The following THSD7A variants were observed in gnomAD, a reference collection of about 807,000 sequenced individuals.
The protein encoded by THSD7A is thrombospondin type-1 domain-containing protein 7A.
In THSD7A, 96 loss-of-function variants were observed where a neutral mutation model predicts 231.3. The ratio of observed to expected loss-of-function variants is 0.41; its 90% confidence interval spans 0.35 to 0.49. THSD7A has a LOEUF of 0.49. Ranked by LOEUF, THSD7A falls within the 20% of genes least tolerant of loss-of-function variation. THSD7A has a pLI of 0.05. For missense variants in THSD7A, 2,290 were observed against 2,070.2 expected, an observed-to-expected ratio of 1.11 and a Z score of -2.06; for synonymous variants, 940 against 743.3, an observed-to-expected ratio of 1.26 and a Z score of -4.30.
intron 2 of THSD7A, among the ~76,000 whole-genome samples, chr7:11,610,792 A>G (rs1252669284): frequency 6.6e-6 from 1 of 152,174 alleles, no homozygotes; most frequent in Non-Finnish European, 1.5e-5. Flanking sequence ...AACTATATGG[A>G]ATTTCTGCTA....
intron 1 of THSD7A, among the ~76,000 whole-genome samples, chr7:11,808,860 A>C (rs1349203609): frequency 6.6e-6 from 1 of 152,180 alleles, no homozygotes; most frequent in African/African-American, 2.4e-5. Flanking sequence ...TATCATTTAC[A>C]GTATAATTTC....
rs1783597420 is a variant in THSD7A, at chr7:11,406,816, A to G, written c.4062+94T>C. On this transcript the variant is annotated intron_variant, in intron 21 of 27. Coordinates refer to ENST00000423059, the MANE Select transcript of THSD7A (RefSeq NM_015204.3). This position sits in a 1 kb window ranked among gnomAD's most constrained non-coding sequence, Gnocchi z 4.7. ...AAGCTTGTCATCTGTGAGCTCTGAA[A>G]CATATTTCTAACACATTATTTTTAT... 3 of 1,420,204 alleles carry G rather than the reference A, an allele frequency of 2.1e-6. No individual in the cohort carries two copies. In the East Asian group the frequency reaches 7.3e-5, roughly 34 times the overall value. 88.0% of individuals were successfully genotyped at this position (1,420,204 alleles called of 1,614,324 possible). A position where few individuals can be genotyped will look rare whatever the true frequency, so the allele number is the denominator to read the frequency against.
At chr7:11,391,742 C>T (rs529636609) in intron 23 of THSD7A, among the ~76,000 whole-genome samples, 4 of 152,268 alleles carry the variant, frequency 2.6e-5, no homozygotes, top group South Asian at 4.2e-4. Context: ...GCCCTGGTGG[C>T]GGAGGCACCA....
At chr7:11,774,704 A>G (rs1005224962) in intron 1 of THSD7A, among the ~76,000 whole-genome samples, 5 of 152,232 alleles carry the variant, frequency 3.3e-5, no homozygotes, top group Admixed American at 6.5e-5. Flanking sequence ...TAAAAATCAT[A>G]CAATTAGCTT....
At chr7:11,441,385 A>C (rs1055768821) in intron 13 of THSD7A, among the ~76,000 whole-genome samples, 9 of 152,016 alleles carry the variant, frequency 5.9e-5, no homozygotes, top group African/African-American at 2.2e-4. Context: ...TTTAAATAGA[A>C]ATCTTGTATA....
intron 2 of THSD7A, among the ~76,000 whole-genome samples, chr7:11,619,402 C>CT (rs10706554): frequency 0.024 from 3,029 of 127,752 alleles, 80 homozygotes; most frequent in African/African-American, 0.066. Flanking sequence ...TCTTACTGTA[C>CT]TTTTTTTTTT....
intron 1 of THSD7A, among the ~76,000 whole-genome samples, chr7:11,723,240 C>G (rs1009738400): frequency 3.3e-5 from 5 of 150,890 alleles, no homozygotes; most frequent in Admixed American, 2.7e-4. Context: ...AAACCAAACA[C>G]CGCATGTCCT....
intron 23 of THSD7A, among the ~76,000 whole-genome samples, chr7:11,394,603 C>T (rs916002756): frequency 1.2e-4 from 18 of 152,206 alleles, no homozygotes; most frequent in Admixed American, 6.5e-4. Flanking sequence ...GACCAAGAAC[C>T]GATCTTTGAT....
At chr7:11,534,731 A>G (rs567056496) in intron 6 of THSD7A, among the ~76,000 whole-genome samples, 3 of 152,168 alleles carry the variant, frequency 2.0e-5, no homozygotes, top group Non-Finnish European at 4.4e-5. Flanking sequence ...GAGAAGGTGG[A>G]TATAAAGGGA....
intron 1 of THSD7A, among the ~76,000 whole-genome samples, chr7:11,769,153 A>ATATATATATATTT: frequency 4.0e-4 from 11 of 27,642 alleles, no homozygotes; most frequent in Admixed American, 1.2e-3. Flanking sequence ...ATATATATAT[A>ATATATATATATTT]TTTTTTTTTT....
At chr7:11,822,025 GT>G (rs1011717188) in intron 1 of THSD7A, among the ~76,000 whole-genome samples, 54 of 152,158 alleles carry the variant, frequency 3.5e-4, no homozygotes, top group African/African-American at 1.3e-3. Flanking sequence ...GTATTACCTA[GT>G]TTCCCTCACC....
intron 1 of THSD7A, among the ~76,000 whole-genome samples, chr7:11,676,671 G>T (rs1010852504): frequency 1.3e-5 from 2 of 152,126 alleles, no homozygotes; most frequent in Non-Finnish European, 2.9e-5. Flanking sequence ...GGATATCAGA[G>T]ATAGAAGATG....
chr7:11,380,420 A>G (rs1782464621), intron 24 of THSD7A, among the ~76,000 whole-genome samples: 1 of 152,150 alleles, frequency 6.6e-6, no homozygotes, highest in Admixed American at 6.6e-5. Flanking sequence ...TTCAAACTAT[A>G]CTTGTTCAGT....
intron 1 of THSD7A, among the ~76,000 whole-genome samples, chr7:11,685,633 C>T (rs1269870085): frequency 6.6e-6 from 1 of 151,954 alleles, no homozygotes; most frequent in East Asian, 1.9e-4. Flanking sequence ...CTCATCATCA[C>T]TAATCAACAG....
chr7:11,640,301 C>G (rs1417825470), intron 1 of THSD7A, among the ~76,000 whole-genome samples: 1 of 152,154 alleles, frequency 6.6e-6, no homozygotes, highest in Non-Finnish European at 1.5e-5. Flanking sequence ...CAAGAAAATA[C>G]TTCCAATCAA....
intron 4 of THSD7A, among the ~76,000 whole-genome samples, chr7:11,578,910 A>T (rs2128337121): frequency 6.6e-6 from 1 of 152,340 alleles, no homozygotes; most frequent in African/African-American, 2.4e-5. Flanking sequence ...TGTCAAATAC[A>T]GAAAATGTAA....
At chr7:11,525,607 T>C (rs549428320) in intron 6 of THSD7A, among the ~76,000 whole-genome samples, 1 of 152,310 alleles carries the variant, frequency 6.6e-6, no homozygotes, top group Admixed American at 6.5e-5. Flanking sequence ...CAATTGTTTT[T>C]ACCTTTCTGT....
At chr7:11,750,487 T>C (rs553506101) in intron 1 of THSD7A, among the ~76,000 whole-genome samples, 2 of 152,140 alleles carry the variant, frequency 1.3e-5, no homozygotes, top group Non-Finnish European at 2.9e-5. Context: ...AATTGTAACA[T>C]TGGTCCTGAA....
chr7:11,509,637 G>A (rs1262571835), intron 6 of THSD7A, among the ~76,000 whole-genome samples: 6 of 150,990 alleles, frequency 4.0e-5, no homozygotes, highest in Non-Finnish European at 7.4e-5. Context: ...TCGAGACCAC[G>A]GTGAAACCCC....
Sources: gnomAD v4.1 joint callset for allele counts (sites outside exome capture counted in the v4.1 genomes callset) on GRCh38, gnomAD v4.1.1 for gene constraint, Gnocchi (gnomAD v3.1) non-coding constraint, MANE v1.5 for transcripts, NCBI Gene and HGNC (gene_info 2026-07-23, HGNC 2026-07-21) for gene names.